The following CARS1 variants were observed in gnomAD, a reference collection of about 807,000 sequenced individuals.
CARS1 encodes cysteinyl-tRNA synthetase 1.
In CARS1, 48 loss-of-function variants were observed where a neutral mutation model predicts 106.2. The observed-to-expected ratio is 0.45, with a 90% CI of 0.36 to 0.57. CARS1 has a LOEUF of 0.57. CARS1 is among the 20% of genes least tolerant of loss of function. The pLI is 0.00. For synonymous variants in CARS1, 409 were observed against 403.4 expected (o/e 1.01, Z -0.17); for missense variants, 968 against 1,057.2 (o/e 0.92, Z 1.17).
In CARS1 at chr11:3,039,769, G is replaced by A. The variant is rs575655520; in HGVS notation, c.552+66C>T. ...TCAAGCCTACATTATTTACTTATGCGAAAGTTCTATCTTCTTTTACACCAT... is the reference window on the plus strand; with the variant it reads ...TCAAGCCTACATTATTTACTTATGCAAAAGTTCTATCTTCTTTTACACCAT... On this transcript the variant is annotated intron_variant, in intron 5 of 22. Transcript: ENST00000380525. This position sits in a 1 kb window ranked among gnomAD's most constrained non-coding sequence, Gnocchi z 5.6. The A allele has an allele frequency of 7.4e-5, 59 of 799,432 alleles. No homozygotes were observed. The highest frequency in any genetic ancestry group is 1.6e-4 in the African/African-American group (9 of 56,548). The allele number at this position is 799,432 out of a possible 1,614,324, so 49.5% of individuals were successfully genotyped here. A position where few individuals can be genotyped will look rare whatever the true frequency, so the allele number is the denominator to read the frequency against.
chr11:3,006,915 G>T lies in CARS1; in HGVS notation c.2113C>A (p.Leu705Met). ...TCAAACCGCACCCCAAGCTCGGGCA[G>T]GATGTTGTCCCGCAGGGCATCGCTG... is the stretch of plus-strand genomic sequence containing the variant. ...QLSDALRDNI[L>M]PELGVRFEDH... The change falls in exon 19 of 23, where the codon CTG (leucine) becomes ATG (methionine). Residue 705 changes from leucine (L) to methionine (M), a missense_variant. Physicochemically the swap from Leu to Met is conservative, Grantham distance 15. Transcript: ENST00000380525. 2.5e-6 allele frequency: 4 copies of T among 1,614,124 alleles called. No homozygotes were observed. Among genetic ancestry groups the T allele is most frequent in the Non-Finnish European group, 3.4e-6 (4 of 1,180,006 alleles).
Position 3,001,020 on chromosome 11 carries a change from G to T in CARS1, c.*94C>A. On this transcript the variant is annotated 3_prime_UTR_variant, in exon 23 of 23. Coordinates refer to ENST00000380525, the MANE Select transcript of CARS1 (RefSeq NM_001014437.3). ...AACTCTTAATTTAGGACCCAAGGGTGACTGTAAACATGATAGGAGCGCTGG... is the reference window on the plus strand; with the variant it reads ...AACTCTTAATTTAGGACCCAAGGGTTACTGTAAACATGATAGGAGCGCTGG... 1.4e-6 allele frequency: 2 copies of T among 1,391,290 alleles called. No individual in the cohort carries two copies. Among genetic ancestry groups the T allele is most frequent in the Non-Finnish European group, 2.0e-6 (2 of 995,304 alleles). The allele number at this position is 1,391,290 out of a possible 1,614,324, so 86.2% of individuals were successfully genotyped here. A position where few individuals can be genotyped will look rare whatever the true frequency, so the allele number is the denominator to read the frequency against.
rs746393366 is a variant in CARS1 at position 3,029,132 on chromosome 11, C to T, written c.943-48G>A. Reference sequence around the variant, plus strand: ...CTGGGATTTTCCCTTCTGAAAACCACGCGCTCCATAAAAACGTTCCCAATT... The same window carrying T: ...CTGGGATTTTCCCTTCTGAAAACCATGCGCTCCATAAAAACGTTCCCAATT... On this transcript the variant is annotated intron_variant, in intron 8 of 22. Transcript: ENST00000380525. This position sits in a 1 kb window ranked among gnomAD's most constrained non-coding sequence, Gnocchi z 5.9. 22 of 1,490,734 alleles carry T rather than the reference C, an allele frequency of 1.5e-5. No homozygotes were observed. In the Middle Eastern group the frequency reaches 5.1e-4, roughly 35 times the overall value. 92.3% of individuals were successfully genotyped at this position (1,490,734 alleles called of 1,614,324 possible). A position where few individuals can be genotyped will look rare whatever the true frequency, so the allele number is the denominator to read the frequency against.
At chr11:3,024,417 A>T (rs2134172043) in intron 10 of CARS1, among the ~76,000 whole-genome samples, 1 of 152,092 alleles carries the variant, frequency 6.6e-6, no homozygotes, top group South Asian at 2.1e-4. Context: ...CCGTCCTGTC[A>T]GTGTTGGTAT....
In CARS1 at chr11:3,040,770, C is replaced by A; in HGVS notation, c.455+126G>T. Reference sequence around the variant, plus strand: ...GAGAAGAAATTCAGTCTTGATTCCTCAAATCTCAGGTCTCTGTAGCAGATC... The same window carrying A: ...GAGAAGAAATTCAGTCTTGATTCCTAAAATCTCAGGTCTCTGTAGCAGATC... On this transcript the variant is annotated intron_variant, in intron 4 of 22. Transcript: ENST00000380525. This position sits in a 1 kb window ranked among gnomAD's most constrained non-coding sequence, Gnocchi z 5.8. 4.1e-6 allele frequency: 4 copies of A among 984,970 alleles called. No homozygotes were observed. Among genetic ancestry groups the A allele is most frequent in the Non-Finnish European group, 6.1e-6 (4 of 652,894 alleles). 61.0% of individuals were successfully genotyped at this position (984,970 alleles called of 1,614,324 possible).
Position 3,040,782 on chromosome 11 carries a change from C to A in CARS1, c.455+114G>T. The A allele has an allele frequency of 1.8e-6, 2 of 1,084,448 alleles. No homozygotes were observed. Among genetic ancestry groups the A allele is most frequent in the South Asian group, 1.5e-5 (1 of 66,900 alleles). 67.2% of individuals were successfully genotyped at this position (1,084,448 alleles called of 1,614,324 possible). ...AGTCTTGATTCCTCAAATCTCAGGT[C>A]TCTGTAGCAGATCTAAGATCTTTGT... is the stretch of plus-strand genomic sequence containing the variant. On this transcript the variant is annotated intron_variant, in intron 4 of 22. Transcript: ENST00000380525. The surrounding 1 kb of genome is among the most constrained non-coding windows in gnomAD (Gnocchi z 5.8).
In CARS1 at chr11:3,053,334, G is replaced by A. The variant is rs1156402615; in HGVS notation, c.25+4009C>T. Among the ~76,000 whole-genome samples, 2 of 151,964 alleles carry A rather than the reference G, an allele frequency of 1.3e-5. No homozygotes were observed. Among genetic ancestry groups the A allele is most frequent in the Non-Finnish European group, 2.9e-5 (2 of 67,980 alleles). ...CAAACTCTGCCTCCCGGGTTCAAGC[G>A]ATTCTCCTGCCTCAGCCTCCCGAGT... On this transcript the variant is annotated intron_variant, in intron 1 of 22. Transcript: ENST00000380525. This position sits in a 1 kb window ranked among gnomAD's most constrained non-coding sequence, Gnocchi z 6.6.
In CARS1 at chr11:3,001,073, C is replaced by G; in HGVS notation, c.*41G>C. The G allele has an allele frequency of 1.2e-6, 2 of 1,608,090 alleles. No individual in the cohort carries two copies. The highest frequency in any genetic ancestry group is 1.7e-6 in the Non-Finnish European group (2 of 1,175,844). On this transcript the variant is annotated 3_prime_UTR_variant, in exon 23 of 23. Transcript: ENST00000380525. ...CATTGTCACTGAGGCAGACAGCAGC[C>G]ACTAGTCCACAATGGTTTAAAAAGT... is the stretch of plus-strand genomic sequence containing the variant.
chr11:3,001,310 T>C lies in CARS1; in HGVS notation c.2362-62A>G, dbSNP rs146277534. 8 of 1,590,710 alleles carry C rather than the reference T, an allele frequency of 5.0e-6. No homozygotes were observed. The Admixed American group carries it at 5.0e-5, about 10-fold the overall frequency. ...TGCACCTGGGTAACCCCAACTCCCC[T>C]TTCTTTGCCCTCCCGTCTCAAAGTG... On this transcript the variant is annotated intron_variant, in intron 22 of 22. Coordinates refer to ENST00000380525, the MANE Select transcript of CARS1 (RefSeq NM_001014437.3).
intron 2 of CARS1, chr11:3,042,477 T>G (rs1854594899): frequency 1.9e-6 from 1 of 537,796 alleles, no homozygotes. Context: ...CAGGCCAGAG[T>G]GCAGTGGTGT....
chr11:3,054,898 G>A (rs1381494066), intron 1 of CARS1: 3 of 702,594 alleles, frequency 4.3e-6, no homozygotes, highest in Non-Finnish European at 7.8e-6. Flanking sequence ...CCGACCAAGT[G>A]GTATCCCAAG....
Position 3,041,053 on chromosome 11 carries a change from A to T in CARS1, c.367-69T>A. ...AACACTGCACAGGATTACCAAAAACAGCAACAAACATCACAGTGTGGTTTG... is the reference window on the plus strand; with the variant it reads ...AACACTGCACAGGATTACCAAAAACTGCAACAAACATCACAGTGTGGTTTG... On this transcript the variant is annotated intron_variant, in intron 3 of 22. Coordinates refer to ENST00000380525, the MANE Select transcript of CARS1 (RefSeq NM_001014437.3). This position sits in a 1 kb window ranked among gnomAD's most constrained non-coding sequence, Gnocchi z 4.9. 6.2e-7 allele frequency: 1 copy of T among 1,612,036 alleles called. No homozygotes were observed. Among genetic ancestry groups the T allele is most frequent in the Non-Finnish European group, 8.5e-7 (1 of 1,178,770 alleles).
Position 3,020,306 on chromosome 11 carries a change from G to C in CARS1, c.1180C>G (p.Leu394Val). 6.2e-7 allele frequency: 1 copy of C among 1,613,824 alleles called. No homozygotes were observed. Among genetic ancestry groups the C allele is most frequent in the Non-Finnish European group, 8.5e-7 (1 of 1,179,706 alleles). The change falls in exon 11 of 23, where the codon CTG (leucine) becomes GTG (valine). Residue 394 changes from leucine to valine, a missense_variant. Leu to Val is a conservative substitution (Grantham distance 32). Transcript: ENST00000380525. The surrounding 1 kb of genome is among the most constrained non-coding windows in gnomAD (Gnocchi z 4.6). ...TCGTTGGGAGAGCGCTTCTCACTCA[G>C]GCGGTCTGCAGAGATGCTCAGGTCA... The part of the protein sequence containing the change: ...EGDLSISADR[L>V]SEKRSPNDFA...
In CARS1 at chr11:3,020,638, C is replaced by T. The variant is rs986045060; in HGVS notation, c.1154-306G>A. ...CCTGCTGCCTTCTCACAGCATTAGCCCACCAGTGTCTAGGACAAGTGATAA... is the reference window on the plus strand; with the variant it reads ...CCTGCTGCCTTCTCACAGCATTAGCTCACCAGTGTCTAGGACAAGTGATAA... On this transcript the variant is annotated intron_variant, in intron 10 of 22. Coordinates refer to ENST00000380525, the MANE Select transcript of CARS1 (RefSeq NM_001014437.3). The surrounding 1 kb of genome is among the most constrained non-coding windows in gnomAD (Gnocchi z 4.6). Among the ~76,000 whole-genome samples the T allele has an allele frequency of 6.6e-6, 1 of 152,178 alleles. No individual in the cohort carries two copies. The highest frequency in any genetic ancestry group is 1.5e-5 in the Non-Finnish European group (1 of 68,034).
Position 3,019,142 on chromosome 11 carries a change from C to G in CARS1, c.1392G>C (p.Ser464=), listed in dbSNP as rs371368284. The part of the protein sequence containing the change: ...FPHHDNELAQ[S]EAYFENDCWV... Reference sequence around the variant, plus strand: ...AGGGGACTCTGTTTTCACCTACCTCCGACTGTGCCAGCTCATTGTCATGGT... The same window carrying G: ...AGGGGACTCTGTTTTCACCTACCTCGGACTGTGCCAGCTCATTGTCATGGT... The change falls in exon 12 of 23, where the codon TCG becomes TCC. Residue 464 remains serine, a synonymous_variant. Transcript: ENST00000380525. This position sits in a 1 kb window ranked among gnomAD's most constrained non-coding sequence, Gnocchi z 6.2. 3.3e-6 allele frequency: 5 copies of G among 1,516,284 alleles called. No individual in the cohort carries two copies. Among genetic ancestry groups the G allele is most frequent in the East Asian group, 2.4e-5 (1 of 41,604 alleles). The allele number at this position is 1,516,284 out of a possible 1,614,324, so 93.9% of individuals were successfully genotyped here. A position where few individuals can be genotyped will look rare whatever the true frequency, so the allele number is the denominator to read the frequency against.
In CARS1 at chr11:3,045,422, G is replaced by A. The variant is rs1854979181; in HGVS notation, c.274+2331C>T. On this transcript the variant is annotated intron_variant, in intron 2 of 22. Coordinates refer to ENST00000380525, the MANE Select transcript of CARS1 (RefSeq NM_001014437.3). The surrounding 1 kb of genome is among the most constrained non-coding windows in gnomAD (Gnocchi z 5.6). ...TGGGACTATAGGCACCCGCCATCAC[G>A]CCCGGCTAATTTTTTGTATTTTTAG... Among the ~76,000 whole-genome samples the A allele has an allele frequency of 6.6e-6, 1 of 152,098 alleles. No individual in the cohort carries two copies. The highest frequency in any genetic ancestry group is 1.5e-5 in the Non-Finnish European group (1 of 68,024).
rs547436278 is a variant in CARS1 at position 3,002,661 on chromosome 11, A to G, written c.2218-61T>C. ...TGCCTCAGGCTGCTGGGTCTCTCGG[A>G]GTGAGAGGTCTAGCCAAACAAGCCC... On this transcript the variant is annotated intron_variant, in intron 20 of 22. Coordinates refer to ENST00000380525, the MANE Select transcript of CARS1 (RefSeq NM_001014437.3). 1.4e-5 allele frequency: 22 copies of G among 1,607,718 alleles called. No homozygotes were observed. The East Asian group carries it at 4.9e-4, about 36-fold the overall frequency.
At position 3,050,390 on chromosome 11, in the gene CARS1, A is replaced by C. The variant is rs1333843169; in HGVS notation, c.26-2389T>G. On this transcript the variant is annotated intron_variant, in intron 1 of 22. Coordinates refer to ENST00000380525, the MANE Select transcript of CARS1 (RefSeq NM_001014437.3). The surrounding 1 kb of genome is among the most constrained non-coding windows in gnomAD (Gnocchi z 6.3). The stretch of plus-strand genomic sequence containing the variant: ...GGCACACTCCCTAGCCAAAACTGGA[A>C]TCACACCCCTTTACAAGTTATCCTT... Among the ~76,000 whole-genome samples, 1 of 152,130 alleles carries C rather than the reference A, an allele frequency of 6.6e-6. No individual in the cohort carries two copies. The highest frequency in any genetic ancestry group is 2.4e-5 in the African/African-American group (1 of 41,432).
Position 3,038,292 on chromosome 11 carries a change from T to C in CARS1, c.652-93A>G, listed in dbSNP as rs2134244575. On this transcript the variant is annotated intron_variant, in intron 6 of 22. Coordinates refer to ENST00000380525, the MANE Select transcript of CARS1 (RefSeq NM_001014437.3). The surrounding 1 kb of genome is among the most constrained non-coding windows in gnomAD (Gnocchi z 4.0). ...TTCCAGGTAGAAAACAGAACGGTTT[T>C]TCCCATGGCCCCATAGAGATAGAGA... The C allele has an allele frequency of 1.7e-6, 2 of 1,209,970 alleles. No homozygotes were observed. The highest frequency in any genetic ancestry group is 4.7e-5 in the East Asian group (2 of 42,730). The allele number at this position is 1,209,970 out of a possible 1,614,324, so 75.0% of individuals were successfully genotyped here. A position where few individuals can be genotyped will look rare whatever the true frequency, so the allele number is the denominator to read the frequency against.
Sources: gnomAD v4.1 joint callset for allele counts (sites outside exome capture counted in the v4.1 genomes callset) on GRCh38, gnomAD v4.1.1 for gene constraint, Gnocchi (gnomAD v3.1) non-coding constraint, MANE v1.5 for transcripts, NCBI Gene and HGNC (gene_info 2026-07-23, HGNC 2026-07-21) for gene names.